The following ERBB4 variants were observed in gnomAD, a reference collection of about 807,000 sequenced individuals.
The protein encoded by ERBB4 is receptor tyrosine-protein kinase erbB-4.
Under a neutral mutation model 158.0 loss-of-function variants are expected in ERBB4, and 42 were observed. The ratio of observed to expected loss-of-function variants is 0.27; its 90% confidence interval spans 0.21 to 0.34. The LOEUF is 0.34. Among genes scored for constraint, ERBB4 ranks in the 10% least tolerant of loss-of-function variants. The probability of loss-of-function intolerance (pLI) is 1.00; values close to 1 mark genes in which losing one functional copy is unlikely to be tolerated. For missense variants in ERBB4, 1,333 were observed against 1,624.1 expected (o/e 0.82, Z 3.08); for synonymous variants, 583 against 558.7 (o/e 1.04, Z -0.61).
chr2:211,659,506 T>C (rs1322729036), intron 15 of ERBB4, among the ~76,000 whole-genome samples: 1 of 152,168 alleles, frequency 6.6e-6, no homozygotes, highest in Admixed American at 6.5e-5. Flanking sequence ...CTCTATCTTC[T>C]TGAAAATTAT....
intron 4 of ERBB4, among the ~76,000 whole-genome samples, chr2:211,751,064 G>C (rs1206954612): frequency 6.6e-6 from 1 of 152,050 alleles, no homozygotes; most frequent in Non-Finnish European, 1.5e-5. Flanking sequence ...ATAATTTCCA[G>C]AGATCACACC....
At chr2:211,743,710 A>G (rs1204168088) in intron 5 of ERBB4, among the ~76,000 whole-genome samples, 3 of 152,198 alleles carry the variant, frequency 2.0e-5, no homozygotes, top group Admixed American at 2.0e-4. Context: ...TTCACATAGC[A>G]GATAAGTTTG....
chr2:212,170,046 G>A (rs1364746384), intron 1 of ERBB4, among the ~76,000 whole-genome samples: 1 of 152,164 alleles, frequency 6.6e-6, no homozygotes, highest in Non-Finnish European at 1.5e-5. Flanking sequence ...ATGTGGAAGT[G>A]ACTTTGGAAC....
chr2:211,829,624 C>A (rs75225197), intron 3 of ERBB4, among the ~76,000 whole-genome samples: 1 of 152,110 alleles, frequency 6.6e-6, no homozygotes. Flanking sequence ...TTATTTATCA[C>A]GCTATTTCAA....
At chr2:211,910,010 C>T (rs1364554975) in intron 3 of ERBB4, among the ~76,000 whole-genome samples, 1 of 151,530 alleles carries the variant, frequency 6.6e-6, no homozygotes, top group East Asian at 2.0e-4. Context: ...ACCTCCGCCT[C>T]CCAGGTTCAA....
At chr2:212,450,953 C>T (rs907984058) in intron 1 of ERBB4, among the ~76,000 whole-genome samples, 4 of 151,992 alleles carry the variant, frequency 2.6e-5, no homozygotes, top group African/African-American at 9.7e-5. Flanking sequence ...CAGCAAGATC[C>T]TACCTTTACG....
At position 212,439,032 on chromosome 2, in the gene ERBB4, A is replaced by G. The variant is rs186083461; in HGVS notation, c.82+99417T>C. Among the ~76,000 whole-genome samples, 84 of 152,250 alleles carry G rather than the reference A, an allele frequency of 5.5e-4. 1 individual carries two copies. The highest frequency in any genetic ancestry group is 3.5e-3 in the South Asian group (17 of 4,822). ...AAAACTGGATGCCCTTTCAATATTCAGACAGACCAAGTAACTCTCCAATAA... is the reference window on the plus strand; with the variant it reads ...AAAACTGGATGCCCTTTCAATATTCGGACAGACCAAGTAACTCTCCAATAA... On this transcript the variant is annotated intron_variant, in intron 1 of 27. Coordinates refer to ENST00000342788, the MANE Select transcript of ERBB4 (RefSeq NM_005235.3).
intron 20 of ERBB4, among the ~76,000 whole-genome samples, chr2:211,473,289 C>G (rs1009431112): frequency 6.6e-6 from 1 of 152,040 alleles, no homozygotes; most frequent in South Asian, 2.1e-4. Context: ...GAAATGGGTT[C>G]TCCCCCAGGG....
intron 1 of ERBB4, among the ~76,000 whole-genome samples, chr2:212,531,256 C>G (rs1692740664): frequency 6.6e-6 from 1 of 152,096 alleles, no homozygotes; most frequent in Admixed American, 6.5e-5. Flanking sequence ...TTATCATGCC[C>G]AAGACGGCTG....
intron 20 of ERBB4, among the ~76,000 whole-genome samples, chr2:211,490,570 G>A (rs745537971): frequency 6.6e-6 from 1 of 151,954 alleles, no homozygotes; most frequent in Non-Finnish European, 1.5e-5. Flanking sequence ...AATCATGAGC[G>A]ACCTAGAGAG....
chr2:211,566,380 A>G (rs1047366323), intron 19 of ERBB4, among the ~76,000 whole-genome samples: 1 of 152,142 alleles, frequency 6.6e-6, no homozygotes, highest in Non-Finnish European at 1.5e-5. Flanking sequence ...GACACCCAAC[A>G]AGTTTCCAAA....
intron 3 of ERBB4, among the ~76,000 whole-genome samples, chr2:211,915,918 C>T: frequency 6.6e-6 from 1 of 151,648 alleles, no homozygotes; most frequent in East Asian, 1.9e-4. Flanking sequence ...AAAATATTAA[C>T]ATTAATTCTT....
Position 211,821,282 on chromosome 2 carries a change from A to C in ERBB4, c.422-33123T>G, listed in dbSNP as rs182203751. Among the ~76,000 whole-genome samples, 509 of 152,042 alleles carry C rather than the reference A, an allele frequency of 3.3e-3. 1 individual carries two copies. Among genetic ancestry groups the C allele is most frequent in the Middle Eastern group, 0.02 (6 of 294 alleles). On this transcript the variant is annotated intron_variant, in intron 3 of 27. Coordinates refer to ENST00000342788, the MANE Select transcript of ERBB4 (RefSeq NM_005235.3). ...CATTTACAATAGCTACTAGAAAAAT[A>C]AAATAAAATACCTAGAAATAAATTT...
At chr2:212,199,669 A>G (rs970232853) in intron 1 of ERBB4, among the ~76,000 whole-genome samples, 6 of 152,206 alleles carry the variant, frequency 3.9e-5, no homozygotes, top group African/African-American at 1.2e-4. Flanking sequence ...GCTATACTTC[A>G]GAATTCTACG....
intron 3 of ERBB4, among the ~76,000 whole-genome samples, chr2:211,839,367 A>T (rs2077420880): frequency 1.1e-5 from 1 of 93,350 alleles, no homozygotes. Flanking sequence ...AGATATAATA[A>T]AAAAAAATAC....
At chr2:211,503,882 A>G (rs1260636947) in intron 20 of ERBB4, among the ~76,000 whole-genome samples, 1 of 152,126 alleles carries the variant, frequency 6.6e-6, no homozygotes, top group Non-Finnish European at 1.5e-5. Context: ...CACATGCCTT[A>G]GAGAGCCTGG....
At chr2:212,503,417 G>T (rs956180157) in intron 1 of ERBB4, among the ~76,000 whole-genome samples, 3 of 152,102 alleles carry the variant, frequency 2.0e-5, no homozygotes, top group Non-Finnish European at 4.4e-5. Context: ...GCAAACACAG[G>T]TGTTAAGTAA....
chr2:211,462,036 C>T (rs1221759213), intron 20 of ERBB4, among the ~76,000 whole-genome samples: 2 of 151,936 alleles, frequency 1.3e-5, no homozygotes, highest in East Asian at 1.9e-4. Context: ...TACTATTGCA[C>T]TGACTCAATA....
chr2:212,011,348 C>A (rs2076381378), intron 2 of ERBB4, among the ~76,000 whole-genome samples: 1 of 152,058 alleles, frequency 6.6e-6, no homozygotes, highest in African/African-American at 2.4e-5. Flanking sequence ...TAAATTTAGT[C>A]CCATGTGTTT....
Sources: gnomAD v4.1 joint callset for allele counts (sites outside exome capture counted in the v4.1 genomes callset) on GRCh38, gnomAD v4.1.1 for gene constraint, MANE v1.5 for transcripts, NCBI Gene and HGNC (gene_info 2026-07-23, HGNC 2026-07-21) for gene names.